RHBDL3: variants seen among roughly 807,000 people sequenced by gnomAD.
The protein encoded by RHBDL3 is rhomboid like 3, also known as rhomboid-related protein 3.
RHBDL3 carries 28 observed loss-of-function variants against 48.2 expected under a neutral mutation model. That is an observed-to-expected ratio of 0.58 (90% CI 0.43 to 0.80). The LOEUF (loss-of-function observed/expected upper bound fraction) is 0.80, where lower values mean the gene tolerates loss of function less well. Among genes scored for constraint, RHBDL3 ranks in the 30% least tolerant of loss-of-function variants. The pLI, the probability that RHBDL3 is intolerant of heterozygous loss-of-function variation, is 0.00. For missense variants in RHBDL3, 464 were observed against 542.7 expected (o/e 0.85, Z 1.44); for synonymous variants, 208 against 232.3 (o/e 0.90, Z 0.95).
chr17:32,269,909 A>G (rs1426953891), intron 2 of RHBDL3, among the ~76,000 whole-genome samples: 2 of 152,214 alleles, frequency 1.3e-5, no homozygotes, highest in Non-Finnish European at 2.9e-5. Context: ...AAGAATGTGT[A>G]GCACCTAATA....
chr17:32,304,038 C>T (rs1023875728), intron 6 of RHBDL3, among the ~76,000 whole-genome samples: 2 of 152,224 alleles, frequency 1.3e-5, no homozygotes, highest in African/African-American at 2.4e-5. Context: ...TTTAGTCTCC[C>T]ATGTCCTCCC....
chr17:32,298,040 A>G lies in RHBDL3; in HGVS notation c.669-52A>G, dbSNP rs1597660058. 2.4e-6 allele frequency: 3 copies of G among 1,261,420 alleles called. No homozygotes were observed. In the East Asian group the frequency reaches 7.1e-5, roughly 30 times the overall value. The allele number at this position is 1,261,420 out of a possible 1,614,324, so 78.1% of individuals were successfully genotyped here. On this transcript the variant is annotated intron_variant, in intron 5 of 8. Coordinates refer to ENST00000269051, the MANE Select transcript of RHBDL3 (RefSeq NM_138328.3). ...ATGCAGGTGTTTGTTGAATGAATGA[A>G]TGAATGAATGAATGAATAGATGAAT...
At chr17:32,309,668 C>T (rs762804162) in intron 7 of RHBDL3, among the ~76,000 whole-genome samples, 2 of 151,870 alleles carry the variant, frequency 1.3e-5, no homozygotes, top group South Asian at 2.1e-4. Flanking sequence ...GTTGTCTCAT[C>T]GGTAATCCCA....
At chr17:32,305,511 T>A (rs1310165878) in intron 7 of RHBDL3, 70 bp downstream of exon 7, 2 of 1,140,704 alleles carry the variant, frequency 1.8e-6, no homozygotes, top group East Asian at 4.7e-5. Flanking sequence ...TGAGTATTAA[T>A]CCACTGGGGC....
At chr17:32,287,179 G>A (rs1233878561) in intron 3 of RHBDL3, among the ~76,000 whole-genome samples, 1 of 152,210 alleles carries the variant, frequency 6.6e-6, no homozygotes. Flanking sequence ...GCCCAGCACA[G>A]CACTGGGCAT....
Position 32,284,753 on chromosome 17 carries a change from T to G in RHBDL3, c.230T>G (p.Val77Gly). The G allele has an allele frequency of 6.2e-7, 1 of 1,613,920 alleles. No homozygotes were observed. Among genetic ancestry groups the G allele is most frequent in the Non-Finnish European group, 8.5e-7 (1 of 1,179,988 alleles). The change falls in exon 3 of 9, where the codon GTC becomes GGC. Residue 77 changes from valine to glycine, a missense_variant. Coordinates refer to ENST00000269051, the MANE Select transcript of RHBDL3 (RefSeq NM_138328.3). ...SSKLDPHKRE[V>G]LLALADSHAD... The stretch of plus-strand genomic sequence containing the variant: ...AAGCTGGACCCGCACAAAAGGGAGG[T>G]CCTCCTGGCTCTTGCCGACAGCCAC...
intron 7 of RHBDL3, among the ~76,000 whole-genome samples, chr17:32,306,710 C>T (rs1282902448): frequency 3.3e-5 from 5 of 152,108 alleles, no homozygotes. Flanking sequence ...GCATTGAGTT[C>T]AGGAGTTCAA....
intron 3 of RHBDL3, among the ~76,000 whole-genome samples, chr17:32,285,179 G>A (rs2040166184): frequency 6.6e-6 from 1 of 152,118 alleles, no homozygotes; most frequent in Admixed American, 6.5e-5. Flanking sequence ...AGAAGAGGAG[G>A]GGAGGGGAGA....
At chr17:32,293,610 G>C (rs2040383861) in intron 4 of RHBDL3, among the ~76,000 whole-genome samples, 1 of 151,060 alleles carries the variant, frequency 6.6e-6, no homozygotes, top group Non-Finnish European at 1.5e-5. Context: ...AACTGATTAA[G>C]ATGGTAAATT....
chr17:32,283,046 G>A (rs1030009730), intron 2 of RHBDL3, among the ~76,000 whole-genome samples: 5 of 152,150 alleles, frequency 3.3e-5, no homozygotes, highest in African/African-American at 7.2e-5. Flanking sequence ...TAGAAAAGGC[G>A]AAAACGTGGG....
At chr17:32,287,712 A>G (rs2040230114) in intron 3 of RHBDL3, among the ~76,000 whole-genome samples, 1 of 152,120 alleles carries the variant, frequency 6.6e-6, no homozygotes, top group African/African-American at 2.4e-5. Flanking sequence ...GTTTAGCCTG[A>G]TGTCTACTGC....
intron 6 of RHBDL3, among the ~76,000 whole-genome samples, chr17:32,298,766 G>A (rs1284754514): frequency 6.8e-6 from 1 of 147,060 alleles, no homozygotes; most frequent in South Asian, 2.3e-4. Context: ...CTGACCCACT[G>A]CTGACAGGGA....
Position 32,284,832 on chromosome 17 carries a change from G to A in RHBDL3, c.294+15G>A, listed in dbSNP as rs760388983. The stretch of plus-strand genomic sequence containing the variant: ...TTGTCAGCCTAGTGAGTGCTCTGGG[G>A]CCCTTGGTACTCGGGGGGACCTGTT... On this transcript the variant is annotated intron_variant, in intron 3 of 8. Transcript: ENST00000269051. The A allele has an allele frequency of 2.5e-6, 4 of 1,610,994 alleles. No individual in the cohort carries two copies. The highest frequency in any genetic ancestry group is 1.6e-4 in the Middle Eastern group (1 of 6,066).
At chr17:32,320,550 C>G (rs2041100738) in intron 8 of RHBDL3, among the ~76,000 whole-genome samples, 1 of 152,166 alleles carries the variant, frequency 6.6e-6, no homozygotes, top group Admixed American at 6.5e-5. Context: ...TCTCGAACTC[C>G]TGACCTCAGG....
At chr17:32,282,016 G>T (rs1355703394) in intron 2 of RHBDL3, among the ~76,000 whole-genome samples, 1 of 152,156 alleles carries the variant, frequency 6.6e-6, no homozygotes, top group African/African-American at 2.4e-5. Flanking sequence ...CTATTTCCTC[G>T]TCTGTAATAT....
At chr17:32,286,538 G>C (rs1217614246) in intron 3 of RHBDL3, among the ~76,000 whole-genome samples, 2 of 152,190 alleles carry the variant, frequency 1.3e-5, no homozygotes, top group Admixed American at 1.3e-4. Flanking sequence ...TTGTAGAATA[G>C]ATCCAAAGGA....
intron 7 of RHBDL3, among the ~76,000 whole-genome samples, chr17:32,308,894 C>G (rs373573633): frequency 9.2e-4 from 140 of 152,072 alleles, no homozygotes; most frequent in African/African-American, 3.1e-3. Context: ...GGTGAAACCC[C>G]GTTTCTACTA....
chr17:32,316,150 T>G, intron 7 of RHBDL3, 82 bp from the exon 8 acceptor site: 1 of 965,810 alleles, frequency 1.0e-6, no homozygotes, highest in Non-Finnish European at 1.7e-6. Context: ...ATCCTTATTT[T>G]AATGTCAGGT....
chr17:32,320,888 G>T, intron 8 of RHBDL3, 70 bp from the exon 9 acceptor site: 1 of 1,081,998 alleles, frequency 9.2e-7, no homozygotes. Context: ...ATGGGTGGGT[G>T]ATGAAGTGAA....
Sources: allele counts gnomAD v4.1 joint callset (sites outside exome capture counted in the v4.1 genomes callset), GRCh38; gene constraint gnomAD v4.1.1; transcripts MANE v1.5; gene names NCBI Gene and HGNC (gene_info 2026-07-23, HGNC 2026-07-21).